Variants in PTPRG observed in about 807,000 individuals in gnomAD.
PTPRG encodes the protein receptor-type tyrosine-protein phosphatase gamma.
Under a neutral mutation model 165.3 loss-of-function variants are expected in PTPRG, and 102 were observed. The ratio of observed to expected loss-of-function variants is 0.62; its 90% confidence interval spans 0.53 to 0.73. The LOEUF (loss-of-function observed/expected upper bound fraction) is 0.73, where lower values mean the gene tolerates loss of function less well. Among genes scored for constraint, PTPRG ranks in the 30% least tolerant of loss-of-function variants. The pLI is 0.00. For synonymous variants in PTPRG, 675 were observed against 669.5 expected, an observed-to-expected ratio of 1.01 and a Z score of -0.13; for missense variants, 1,866 against 1,861.4, an observed-to-expected ratio of 1.00 and a Z score of -0.05.
chr3:61,602,664 A>T (rs1700902203), intron 1 of PTPRG, among the ~76,000 whole-genome samples: 1 of 152,190 alleles, frequency 6.6e-6, no homozygotes, highest in Non-Finnish European at 1.5e-5. Flanking sequence ...CCTCTTCGGC[A>T]CAGGGGCTTA....
chr3:61,797,880 C>T (rs137891585), intron 2 of PTPRG, among the ~76,000 whole-genome samples: 11 of 149,294 alleles, frequency 7.4e-5, no homozygotes, highest in Non-Finnish European at 1.3e-4. Context: ...GAAGGAGGGA[C>T]GAAAAGAGTG....
chr3:61,737,951 C>T (rs369193553), intron 1 of PTPRG, among the ~76,000 whole-genome samples: 2 of 150,472 alleles, frequency 1.3e-5, no homozygotes, highest in South Asian at 2.1e-4. Flanking sequence ...CTCTGTCGCC[C>T]AGGCTGGAGT....
In PTPRG at chr3:62,214,049, A is replaced by G. The variant is rs1208514158; in HGVS notation, c.2156-4802A>G. Among the ~76,000 whole-genome samples, 1 of 152,172 alleles carries G rather than the reference A, an allele frequency of 6.6e-6. No homozygotes were observed. Among genetic ancestry groups the G allele is most frequent in the Non-Finnish European group, 1.5e-5 (1 of 68,032 alleles). On this transcript the variant is annotated intron_variant, in intron 12 of 29. Coordinates refer to ENST00000474889, the MANE Select transcript of PTPRG (RefSeq NM_002841.4). The surrounding 1 kb of genome is among the most constrained non-coding windows in gnomAD (Gnocchi z 5.2). ...GTGTCTCTACCAAAAAAAAGAGGGA[A>G]AAAGCAGTATGATACAGTCTAGTCT...
At chr3:61,828,703 C>T (rs187686746) in intron 2 of PTPRG, among the ~76,000 whole-genome samples, 301 of 152,254 alleles carry the variant, frequency 2.0e-3, no homozygotes, top group Non-Finnish European at 3.6e-3. Flanking sequence ...TAGTATTGGA[C>T]TTGAGCCAAT....
At chr3:61,961,477 C>A (rs2040150752) in intron 2 of PTPRG, among the ~76,000 whole-genome samples, 1 of 152,138 alleles carries the variant, frequency 6.6e-6, no homozygotes, top group Admixed American at 6.5e-5. Context: ...AGATTGATGT[C>A]TGTTTTCTTA....
chr3:61,753,612 T>A (rs565126318), intron 2 of PTPRG: 265 of 420,568 alleles, frequency 6.3e-4, no homozygotes, highest in African/African-American at 5.4e-3. Flanking sequence ...GGAGATTGGA[T>A]CTTGCTCTTT....
chr3:62,138,714 CAAA>C (rs563632840), intron 6 of PTPRG, among the ~76,000 whole-genome samples: 1,468 of 91,400 alleles, frequency 0.016, 27 homozygotes, highest in Middle Eastern at 0.045. Context: ...GGCAAAGCTC[CAAA>C]AAAAAAAAAA....
chr3:61,596,620 G>C (rs927167810), intron 1 of PTPRG, among the ~76,000 whole-genome samples: 2 of 152,092 alleles, frequency 1.3e-5, no homozygotes, highest in Non-Finnish European at 2.9e-5. Flanking sequence ...GATTCAGAAA[G>C]TCCGAGACCC....
intron 2 of PTPRG, among the ~76,000 whole-genome samples, chr3:61,876,098 AAGT>A (rs1475454346): frequency 2.0e-5 from 3 of 152,242 alleles, no homozygotes; most frequent in Non-Finnish European, 2.9e-5. Context: ...TTACAATTAA[AAGT>A]AGTAATTAGA....
At chr3:61,684,728 A>G (rs1351888497) in intron 1 of PTPRG, among the ~76,000 whole-genome samples, 3 of 152,232 alleles carry the variant, frequency 2.0e-5, no homozygotes, top group Non-Finnish European at 4.4e-5. Flanking sequence ...AGAACCAAGA[A>G]TTAGCAAATG....
At chr3:61,989,604 A>G (rs773404671) in intron 2 of PTPRG, 21 bp from the exon 3 acceptor site, 1 of 1,607,990 alleles carries the variant, frequency 6.2e-7, no homozygotes, top group South Asian at 1.1e-5. Context: ...TGAGGATTGA[A>G]GTGTTGTCTT....
chr3:61,731,725 C>T (rs947052291), intron 1 of PTPRG, among the ~76,000 whole-genome samples: 1 of 152,010 alleles, frequency 6.6e-6, no homozygotes, highest in Non-Finnish European at 1.5e-5. Context: ...TTCTTTTTCC[C>T]ATTTATTTTT....
chr3:62,046,304 T>C (rs1191238493), intron 4 of PTPRG, among the ~76,000 whole-genome samples: 1 of 152,210 alleles, frequency 6.6e-6, no homozygotes, highest in Admixed American at 6.5e-5. Flanking sequence ...ATTCATGCTT[T>C]GAAGTTACGT....
chr3:61,731,152 A>C (rs919454699), intron 1 of PTPRG, among the ~76,000 whole-genome samples: 6 of 152,158 alleles, frequency 3.9e-5, no homozygotes, highest in Non-Finnish European at 7.3e-5. Flanking sequence ...CCATAAAAAT[A>C]GTTTTTACCC....
intron 2 of PTPRG, among the ~76,000 whole-genome samples, chr3:61,808,144 C>A (rs912536804): frequency 6.6e-6 from 1 of 152,106 alleles, no homozygotes; most frequent in African/African-American, 2.4e-5. Flanking sequence ...TAGGATTGGA[C>A]CTTTTGTGTG....
chr3:61,617,201 G>C (rs1485398919), intron 1 of PTPRG, among the ~76,000 whole-genome samples: 1 of 152,218 alleles, frequency 6.6e-6, no homozygotes, highest in Non-Finnish European at 1.5e-5. Flanking sequence ...CTGCAAAGTT[G>C]CCTGTAGAAG....
At chr3:61,787,285 A>T (rs904414940) in intron 2 of PTPRG, among the ~76,000 whole-genome samples, 1 of 152,166 alleles carries the variant, frequency 6.6e-6, no homozygotes, top group Non-Finnish European at 1.5e-5. Flanking sequence ...ATGATTAAGG[A>T]TAATTACTCT....
At chr3:62,208,999 A>G (rs560188313) in intron 12 of PTPRG, among the ~76,000 whole-genome samples, 5 of 152,298 alleles carry the variant, frequency 3.3e-5, no homozygotes, top group Non-Finnish European at 5.9e-5. Flanking sequence ...CTCTGACTCT[A>G]TAGTCCAGGG....
chr3:61,759,631 G>T (rs374717149), intron 2 of PTPRG, among the ~76,000 whole-genome samples: 1 of 152,224 alleles, frequency 6.6e-6, no homozygotes, highest in African/African-American at 2.4e-5. Flanking sequence ...CCCAGCCTGC[G>T]TGGCAGAGTG....
Sources: gnomAD v4.1 joint callset for allele counts (sites outside exome capture counted in the v4.1 genomes callset) on GRCh38, gnomAD v4.1.1 for gene constraint, Gnocchi (gnomAD v3.1) non-coding constraint, MANE v1.5 for transcripts, NCBI Gene and HGNC (gene_info 2026-07-23, HGNC 2026-07-21) for gene names.